Variants in ATP1B3 observed in about 807,000 individuals in gnomAD.
ATP1B3 encodes the protein sodium/potassium-transporting ATPase subunit beta-3.
In ATP1B3, 10 loss-of-function variants were observed where a neutral mutation model predicts 30.2. The ratio of observed to expected loss-of-function variants is 0.33; its 90% CI spans 0.20 to 0.56. The LOEUF is 0.56. Among genes scored for constraint, ATP1B3 ranks in the 20% least tolerant of loss-of-function variants. The pLI is 0.90. For synonymous variants in ATP1B3, 113 were observed against 117.0 expected (o/e 0.97, Z 0.22); for missense variants, 238 against 336.7 (o/e 0.71, Z 2.29).
chr3:141,912,552 C>T (rs534122945), intron 3 of ATP1B3, among the ~76,000 whole-genome samples: 167 of 152,280 alleles, frequency 1.1e-3, no homozygotes, highest in African/African-American at 3.9e-3. Context: ...TGAGCCACTG[C>T]GCCTGGCCTG....
intron 1 of ATP1B3, among the ~76,000 whole-genome samples, chr3:141,903,303 C>T (rs1032159109): frequency 6.6e-6 from 1 of 152,016 alleles, no homozygotes; most frequent in Non-Finnish European, 1.5e-5. Flanking sequence ...GCATCAAGTT[C>T]ATTTTGGGAA....
At chr3:141,919,127 C>T (rs1268807778) in intron 5 of ATP1B3, 2 of 152,172 alleles carry the variant, frequency 1.3e-5, no homozygotes, top group African/African-American at 4.8e-5. Flanking sequence ...TTAGATTTGT[C>T]TATGTCAAGC....
At chr3:141,917,990 G>C (rs1197570050) in intron 5 of ATP1B3, among the ~76,000 whole-genome samples, 2 of 151,758 alleles carry the variant, frequency 1.3e-5, no homozygotes, top group African/African-American at 4.8e-5. Flanking sequence ...GGATGGTCTT[G>C]ATCTCCTGAC....
chr3:141,879,023 A>T (rs940143168), intron 1 of ATP1B3, among the ~76,000 whole-genome samples: 4 of 152,110 alleles, frequency 2.6e-5, no homozygotes, highest in African/African-American at 9.7e-5. Flanking sequence ...GCCTCTGGGG[A>T]TATGTCTGCC....
At chr3:141,891,746 T>G (rs914017189) in intron 1 of ATP1B3, among the ~76,000 whole-genome samples, 3 of 152,062 alleles carry the variant, frequency 2.0e-5, no homozygotes, top group African/African-American at 7.2e-5. Context: ...GGGCTATGGG[T>G]TTTACTTTGA....
chr3:141,903,899 C>A lies in ATP1B3; in HGVS notation c.238+151C>A. 5.7e-6 allele frequency: 5 copies of A among 874,300 alleles called. No individual in the cohort carries two copies. The South Asian group carries it at 8.8e-5, about 15-fold the overall frequency. 54.2% of individuals were successfully genotyped at this position (874,300 alleles called of 1,614,324 possible). On this transcript the variant is annotated intron_variant, in intron 2 of 6. Coordinates refer to ENST00000286371, the MANE Select transcript of ATP1B3 (RefSeq NM_001679.4). ...CAGGTTCAAGCGATTCTCCTGCCTC[C>A]TCAGCCTGCTAAGTAGCTGGGATTA...
chr3:141,914,674 A>G (rs1355980318), intron 4 of ATP1B3, among the ~76,000 whole-genome samples: 2 of 152,176 alleles, frequency 1.3e-5, no homozygotes, highest in Admixed American at 1.3e-4. Flanking sequence ...CAAAATCATG[A>G]GTTTATGAAT....
intron 2 of ATP1B3, among the ~76,000 whole-genome samples, chr3:141,905,180 A>G (rs556234880): frequency 7.7e-4 from 117 of 152,296 alleles, no homozygotes; most frequent in Non-Finnish European, 7.1e-4. Context: ...GGTTCTACCT[A>G]AAGAAGAAAG....
intron 1 of ATP1B3, among the ~76,000 whole-genome samples, chr3:141,901,979 G>A (rs914006129): frequency 2.0e-5 from 3 of 152,176 alleles, no homozygotes; most frequent in Admixed American, 6.5e-5. Context: ...CCCTGGTGTA[G>A]AGGATTTTAT....
At chr3:141,884,491 G>T (rs1353334413) in intron 1 of ATP1B3, among the ~76,000 whole-genome samples, 1 of 152,172 alleles carries the variant, frequency 6.6e-6, no homozygotes, top group Non-Finnish European at 1.5e-5. Context: ...ACTTGATTGG[G>T]TTGAAGGATA....
intron 1 of ATP1B3, among the ~76,000 whole-genome samples, chr3:141,888,842 C>T (rs771350592): frequency 2.6e-5 from 4 of 152,152 alleles, no homozygotes; most frequent in Non-Finnish European, 5.9e-5. Context: ...GACTTTGCTT[C>T]TCATTCACCT....
chr3:141,916,326 A>C (rs963720394), intron 5 of ATP1B3: 1 of 479,648 alleles, frequency 2.1e-6, no homozygotes, highest in African/African-American at 2.0e-5. Context: ...TACCCTTGTA[A>C]TTGATGGTGT....
At chr3:141,885,753 A>T (rs1298344850) in intron 1 of ATP1B3, among the ~76,000 whole-genome samples, 1 of 152,094 alleles carries the variant, frequency 6.6e-6, no homozygotes, top group African/African-American at 2.4e-5. Flanking sequence ...TGACCAGCGC[A>T]TGCCTTTTCT....
intron 1 of ATP1B3, among the ~76,000 whole-genome samples, chr3:141,898,800 A>G (rs1934113598): frequency 6.6e-6 from 1 of 152,240 alleles, no homozygotes; most frequent in Non-Finnish European, 1.5e-5. Context: ...TTATAACATT[A>G]TTCATAATGG....
In ATP1B3 at chr3:141,876,873, C is replaced by A. The variant is rs776842184; in HGVS notation, c.72C>A (p.Thr24=). 2.9e-5 allele frequency: 46 copies of A among 1,582,704 alleles called. No individual in the cohort carries two copies. Among genetic ancestry groups the A allele is most frequent in the Non-Finnish European group, 3.9e-5 (46 of 1,164,708 alleles). The change falls in exon 1 of 7, where the codon ACC becomes ACA. Residue 24 remains threonine (T), a synonymous_variant. Transcript: ENST00000286371. The stretch of plus-strand genomic sequence containing the variant: ...GGAAGCTCTTCATCTACAACCCGAC[C>A]ACCGGAGAATTCCTGGGGCGCACCG... ...AEWKLFIYNP[T]TGEFLGRTAK... is the part of the protein sequence containing the mutation.
At chr3:141,910,121 A>C (rs73230648) in intron 3 of ATP1B3, among the ~76,000 whole-genome samples, 18,372 of 152,038 alleles carry the variant, frequency 0.12, 1,480 homozygotes, top group Non-Finnish European at 0.18. Flanking sequence ...ACAGGCTCAC[A>C]TCATCACGCC....
chr3:141,904,307 T>C (rs1341514490), intron 2 of ATP1B3, among the ~76,000 whole-genome samples: 1 of 147,898 alleles, frequency 6.8e-6, no homozygotes, highest in South Asian at 2.2e-4. Context: ...TTCGGTTTCT[T>C]TTTTTTTTTG....
At chr3:141,914,561 T>A (rs1296310693) in intron 4 of ATP1B3, among the ~76,000 whole-genome samples, 2 of 152,216 alleles carry the variant, frequency 1.3e-5, no homozygotes, top group African/African-American at 4.8e-5. Context: ...TCTGTAAATG[T>A]ACTTCAGAGT....
chr3:141,902,709 G>A (rs1035142797), intron 1 of ATP1B3, among the ~76,000 whole-genome samples: 60 of 152,262 alleles, frequency 3.9e-4, no homozygotes, highest in African/African-American at 1.1e-3. Context: ...CCCAAATCTT[G>A]CTTTGTGCTT....
Sources: allele counts gnomAD v4.1 joint callset (sites outside exome capture counted in the v4.1 genomes callset), GRCh38; gene constraint gnomAD v4.1.1; transcripts MANE v1.5; gene names NCBI Gene and HGNC (gene_info 2026-07-23, HGNC 2026-07-21).